The following JAKMIP1 variants were observed in gnomAD, a reference collection of about 807,000 sequenced individuals.
JAKMIP1 encodes the protein janus kinase and microtubule interacting protein 1.
A neutral mutation model predicts 113.0 loss-of-function variants in JAKMIP1; 33 were observed. The ratio of observed to expected loss-of-function variants is 0.29; its 90% confidence interval spans 0.22 to 0.39. The LOEUF (loss-of-function observed/expected upper bound fraction) is 0.39. JAKMIP1 is among the 10% of genes least tolerant of loss of function. The pLI, the probability that JAKMIP1 is intolerant of heterozygous loss-of-function variation, is 1.00. For missense variants in JAKMIP1, 813 were observed against 1,080.5 expected (o/e 0.75, Z 3.47); for synonymous variants, 480 against 459.9 (o/e 1.04, Z -0.56).
chr4:6,094,916 A>G lies in JAKMIP1; in HGVS notation c.625-9287T>C, dbSNP rs1214550289. Among the ~76,000 whole-genome samples the G allele has an allele frequency of 6.6e-6, 1 of 151,968 alleles. No homozygotes were observed. The highest frequency in any genetic ancestry group is 2.4e-5 in the African/African-American group (1 of 41,372). On this transcript the variant is annotated intron_variant, in intron 3 of 20. Transcript: ENST00000409021. This position sits in a 1 kb window ranked among gnomAD's most constrained non-coding sequence, Gnocchi z 4.2. ...GGAGGATTGCTTGAGCCTGGAAGGT[A>G]GAGGCTGCAGTGAGCTGTGATTGCA...
intron 18 of JAKMIP1, among the ~76,000 whole-genome samples, chr4:6,036,930 CG>C (rs1713533834): frequency 2.0e-5 from 3 of 148,894 alleles, no homozygotes; most frequent in Non-Finnish European, 3.0e-5. Context: ...CCTCCATCAC[CG>C]AGGTAGAGGC....
chr4:6,100,642 A>T (rs1197716270), intron 3 of JAKMIP1, among the ~76,000 whole-genome samples: 1 of 152,180 alleles, frequency 6.6e-6, no homozygotes, highest in Non-Finnish European at 1.5e-5. Context: ...AGACTTTTTA[A>T]GAAACTACAA....
chr4:6,173,965 A>G (rs1332107050), intron 1 of JAKMIP1, among the ~76,000 whole-genome samples: 1 of 152,200 alleles, frequency 6.6e-6, no homozygotes, highest in African/African-American at 2.4e-5. Context: ...GCTACTTGGG[A>G]GGCTGAGACA....
intron 8 of JAKMIP1, among the ~76,000 whole-genome samples, chr4:6,071,216 C>T (rs978909651): frequency 2.6e-5 from 4 of 152,184 alleles, no homozygotes; most frequent in African/African-American, 9.7e-5. Context: ...TGAGGCACCA[C>T]CCGGCCAGGT....
chr4:6,114,971 C>T (rs1046435871), intron 1 of JAKMIP1, among the ~76,000 whole-genome samples: 1 of 152,220 alleles, frequency 6.6e-6, no homozygotes, highest in Non-Finnish European at 1.5e-5. Context: ...ACCAGAGATA[C>T]GGTCTCTGAT....
In JAKMIP1 at chr4:6,065,063, C is replaced by A; in HGVS notation, c.1303-55G>T. On this transcript the variant is annotated intron_variant, in intron 8 of 20. Coordinates refer to ENST00000409021, the MANE Select transcript of JAKMIP1 (RefSeq NM_001099433.2). This position sits in a 1 kb window ranked among gnomAD's most constrained non-coding sequence, Gnocchi z 5.1. Reference sequence around the variant, plus strand: ...AACGACTGAGGATTGCCAGAGTCTACCAGTCCCTGGTCGTGGGCATGCCAG... The same window carrying A: ...AACGACTGAGGATTGCCAGAGTCTAACAGTCCCTGGTCGTGGGCATGCCAG... 6.2e-7 allele frequency: 1 copy of A among 1,608,994 alleles called. No homozygotes were observed. Among genetic ancestry groups the A allele is most frequent in the South Asian group, 1.1e-5 (1 of 90,878 alleles).
At chr4:6,189,161 A>T (rs1437275649) in intron 1 of JAKMIP1, among the ~76,000 whole-genome samples, 2 of 152,216 alleles carry the variant, frequency 1.3e-5, no homozygotes, top group African/African-American at 4.8e-5. Context: ...TGGAATAAGA[A>T]ATGTGACCTT....
At chr4:6,032,439 C>T (rs969883507) in intron 19 of JAKMIP1, among the ~76,000 whole-genome samples, 1 of 152,152 alleles carries the variant, frequency 6.6e-6, no homozygotes, top group Non-Finnish European at 1.5e-5. Context: ...TGCTTCCTGG[C>T]TGTGTGACCT....
chr4:6,058,324 C>G (rs573259219), intron 11 of JAKMIP1, among the ~76,000 whole-genome samples: 1 of 152,352 alleles, frequency 6.6e-6, no homozygotes, highest in African/African-American at 2.4e-5. Context: ...AGCCTCCTTG[C>G]CTTTATACTA....
At chr4:6,172,484 G>A (rs750525921) in intron 1 of JAKMIP1, among the ~76,000 whole-genome samples, 8 of 152,206 alleles carry the variant, frequency 5.3e-5, no homozygotes, top group Middle Eastern at 6.8e-3. Flanking sequence ...AGTTACCCCC[G>A]AGAACCCCAG....
rs1283757959 is a variant in JAKMIP1 at position 6,197,505 on chromosome 4, G to A, written c.-148+2748C>T. Among the ~76,000 whole-genome samples, 1 of 152,168 alleles carries A rather than the reference G, an allele frequency of 6.6e-6. No individual in the cohort carries two copies. The highest frequency in any genetic ancestry group is 1.9e-4 in the East Asian group (1 of 5,200). ...AGATGCCACTGCCCCCTTTTATACA[G>A]GAAATGGAGGCTCAGAGAGGTTAAT... On this transcript the variant is annotated intron_variant, in intron 1 of 20. Coordinates refer to ENST00000409021, the MANE Select transcript of JAKMIP1 (RefSeq NM_001099433.2). This position sits in a 1 kb window ranked among gnomAD's most constrained non-coding sequence, Gnocchi z 6.5.
chr4:6,182,854 T>C (rs868620169), intron 1 of JAKMIP1, among the ~76,000 whole-genome samples: 1 of 152,200 alleles, frequency 6.6e-6, no homozygotes, highest in East Asian at 1.9e-4. Context: ...AAACACTTCC[T>C]ATAACTCCAC....
rs2108848004 is a variant in JAKMIP1, at chr4:6,094,016, C to T, written c.625-8387G>A. ...AGAGATCACATGGGAGCGGGTGTCACCTGTCACCCCAGTAGACTGCGAGCT... is the reference window on the plus strand; with the variant it reads ...AGAGATCACATGGGAGCGGGTGTCATCTGTCACCCCAGTAGACTGCGAGCT... On this transcript the variant is annotated intron_variant, in intron 3 of 20. Transcript: ENST00000409021. The surrounding 1 kb of genome is among the most constrained non-coding windows in gnomAD (Gnocchi z 4.2). Among the ~76,000 whole-genome samples, 1 of 152,162 alleles carries T rather than the reference C, an allele frequency of 6.6e-6. No individual in the cohort carries two copies. Among genetic ancestry groups the T allele is most frequent in the South Asian group, 2.1e-4 (1 of 4,800 alleles).
intron 2 of JAKMIP1, among the ~76,000 whole-genome samples, chr4:6,107,756 G>GCT (rs1560197909): frequency 6.7e-6 from 1 of 148,858 alleles, no homozygotes; most frequent in African/African-American, 2.6e-5. Flanking sequence ...CTCTGTGGGG[G>GCT]GTGTGTGTGT....
chr4:6,057,088 C>T lies in JAKMIP1; in HGVS notation c.1645-329G>A, dbSNP rs557357633. Among the ~76,000 whole-genome samples, 56 of 152,312 alleles carry T rather than the reference C, an allele frequency of 3.7e-4. 1 individual carries two copies. The highest frequency in any genetic ancestry group is 3.4e-3 in the Middle Eastern group (1 of 294). On this transcript the variant is annotated intron_variant, in intron 11 of 20. Coordinates refer to ENST00000409021, the MANE Select transcript of JAKMIP1 (RefSeq NM_001099433.2). ...CGCATGCGGAAGGCTGACCTCATAC[C>T]CCGCAGACTGGCCAGAGCCACACTG...
intron 1 of JAKMIP1, among the ~76,000 whole-genome samples, chr4:6,131,149 A>C (rs1360203679): frequency 5.4e-5 from 5 of 93,064 alleles, no homozygotes; most frequent in East Asian, 3.8e-4. Flanking sequence ...ATGACAGAGT[A>C]AGACCTTGCC....
chr4:6,099,566 C>T (rs1273455140), intron 3 of JAKMIP1, among the ~76,000 whole-genome samples: 1 of 151,970 alleles, frequency 6.6e-6, no homozygotes, highest in Non-Finnish European at 1.5e-5. Context: ...CCCCACAATA[C>T]AATCTGATTC....
intron 5 of JAKMIP1, among the ~76,000 whole-genome samples, 168 bp downstream of exon 5, chr4:6,084,678 A>G (rs2108829577): frequency 6.6e-6 from 1 of 152,274 alleles, no homozygotes; most frequent in Admixed American, 6.5e-5. Flanking sequence ...GCAGTAAGAG[A>G]TTTCTTCAAT....
At chr4:6,034,765 C>T (rs1483238836) in intron 19 of JAKMIP1, among the ~76,000 whole-genome samples, 6 of 152,184 alleles carry the variant, frequency 3.9e-5, no homozygotes, top group South Asian at 2.1e-4. Flanking sequence ...CGTCCCACTA[C>T]ACTCCAGCCT....
Sources: gnomAD v4.1 joint callset for allele counts (sites outside exome capture counted in the v4.1 genomes callset) on GRCh38, gnomAD v4.1.1 for gene constraint, Gnocchi (gnomAD v3.1) non-coding constraint, MANE v1.5 for transcripts, NCBI Gene and HGNC (gene_info 2026-07-23, HGNC 2026-07-21) for gene names.